LGR4: variants seen among roughly 807,000 people sequenced by gnomAD.
LGR4 encodes leucine-rich repeat-containing G protein-coupled receptor 4.
A neutral mutation model predicts 84.8 loss-of-function variants in LGR4; 44 were observed. The ratio of observed to expected loss-of-function variants is 0.52; its 90% CI spans 0.41 to 0.67. The LOEUF is 0.67. LGR4 is among the 30% of genes least tolerant of loss of function. LGR4 has a pLI of 0.00. For synonymous variants in LGR4, 429 were observed against 434.3 expected, an observed-to-expected ratio of 0.99 and a Z score of 0.15; for missense variants, 1,032 against 1,131.4, an observed-to-expected ratio of 0.91 and a Z score of 1.26.
chr11:27,469,411 C>G (rs538203035), intron 1 of LGR4, among the ~76,000 whole-genome samples: 1 of 152,184 alleles, frequency 6.6e-6, no homozygotes, highest in African/African-American at 2.4e-5. Flanking sequence ...TTCCATGCCA[C>G]GGTTCTGCTC....
At chr11:27,447,193 T>TA (rs973534885) in intron 1 of LGR4, among the ~76,000 whole-genome samples, 3 of 150,906 alleles carry the variant, frequency 2.0e-5, no homozygotes, top group Non-Finnish European at 3.0e-5. Context: ...ATAATAATAA[T>TA]AAAAAAAAGC....
chr11:27,368,073 A>G lies in LGR4; in HGVS notation c.2650T>C (p.Leu884=), dbSNP rs1862802694. The G allele has an allele frequency of 6.2e-7, 1 of 1,614,084 alleles. No homozygotes were observed. ...GGTCTTTGGCAAGAAGCCACTGCCA[A>G]TGCAGGACAGCTGTGTGATTTTATC... ...HLIKSHSCPA[L]AVASCQRPEG... is the part of the protein sequence containing the mutation. The change falls in exon 18 of 18, where the codon TTG becomes CTG. Residue 884 remains leucine (L), a synonymous_variant. Coordinates refer to ENST00000379214, the MANE Select transcript of LGR4 (RefSeq NM_018490.5).
Position 27,392,472 on chromosome 11 carries a change from A to G in LGR4, c.304T>C (p.Ser102Pro). The change falls in exon 3 of 18, where the codon TCT becomes CCT. Residue 102 changes from serine to proline, a missense_variant. Transcript: ENST00000379214. ...DLSFIHPKAL[S>P]GLKELKVLTL... ...AGAACTTTGAGTTCTTTCAACCCAG[A>G]CAAGGCCTTTGGGTGGATAAAAGAA... 1 of 1,596,870 alleles carries G rather than the reference A, an allele frequency of 6.3e-7. No homozygotes were observed. Among genetic ancestry groups the G allele is most frequent in the Non-Finnish European group, 8.5e-7 (1 of 1,174,462 alleles).
intron 1 of LGR4, among the ~76,000 whole-genome samples, chr11:27,435,309 G>A (rs1055498683): frequency 3.3e-5 from 5 of 151,410 alleles, no homozygotes; most frequent in African/African-American, 9.7e-5. Flanking sequence ...CTCCAGCCTG[G>A]GCAACAGAGT....
At chr11:27,453,358 C>T (rs146699670) in intron 1 of LGR4, among the ~76,000 whole-genome samples, 2 of 152,326 alleles carry the variant, frequency 1.3e-5, no homozygotes, top group East Asian at 1.9e-4. Context: ...TGAGCCACCA[C>T]GCCCGGCCAA....
intron 1 of LGR4, among the ~76,000 whole-genome samples, chr11:27,436,147 G>A (rs546123354): frequency 3.3e-5 from 5 of 151,740 alleles, no homozygotes; most frequent in East Asian, 2.0e-4. Flanking sequence ...TCCTGACCTC[G>A]TGATCCACCC....
At chr11:27,393,794 A>T (rs543712672) in intron 2 of LGR4, among the ~76,000 whole-genome samples, 1 of 152,152 alleles carries the variant, frequency 6.6e-6, no homozygotes, top group African/African-American at 2.4e-5. Context: ...CAGCCTTAAA[A>T]TGTGAAGTCA....
intron 1 of LGR4, among the ~76,000 whole-genome samples, chr11:27,453,593 C>T (rs868834599): frequency 2.6e-5 from 4 of 152,070 alleles, no homozygotes; most frequent in African/African-American, 9.7e-5. Flanking sequence ...AATCCCCCAC[C>T]CCCCTGCCAG....
intron 1 of LGR4, among the ~76,000 whole-genome samples, chr11:27,424,105 A>G (rs1863975636): frequency 6.6e-6 from 1 of 152,218 alleles, no homozygotes; most frequent in Admixed American, 6.5e-5. Context: ...CTAAATTAGT[A>G]AGCAGAGAAA....
At chr11:27,447,938 A>C (rs1362464107) in intron 1 of LGR4, among the ~76,000 whole-genome samples, 1 of 152,186 alleles carries the variant, frequency 6.6e-6, no homozygotes, top group Non-Finnish European at 1.5e-5. Context: ...TGTTATATTT[A>C]ATATACTTCA....
chr11:27,401,998 CT>C (rs1863514142), intron 2 of LGR4, among the ~76,000 whole-genome samples: 1 of 152,186 alleles, frequency 6.6e-6, no homozygotes, highest in African/African-American at 2.4e-5. Context: ...GCAGAAAGGG[CT>C]CAAAATGGCT....
At chr11:27,461,654 A>G (rs1239528544) in intron 1 of LGR4, among the ~76,000 whole-genome samples, 1 of 151,316 alleles carries the variant, frequency 6.6e-6, no homozygotes, top group African/African-American at 2.4e-5. Flanking sequence ...TTAGCTCATC[A>G]ACTATTGTTA....
At chr11:27,453,342 C>T (rs2133446517) in intron 1 of LGR4, among the ~76,000 whole-genome samples, 1 of 152,352 alleles carries the variant, frequency 6.6e-6, no homozygotes, top group South Asian at 2.1e-4. Context: ...GCTGGGATTA[C>T]AGGCGTGAGC....
At chr11:27,380,824 A>G in intron 8 of LGR4, 71 bp downstream of exon 8, 4 of 1,189,694 alleles carry the variant, frequency 3.4e-6, no homozygotes, top group Non-Finnish European at 5.0e-6. Context: ...ATTCTTTATC[A>G]GGGTGTTTGG....
chr11:27,371,363 T>C (rs1388715583), intron 17 of LGR4, among the ~76,000 whole-genome samples: 24 of 152,190 alleles, frequency 1.6e-4, no homozygotes, highest in Admixed American at 1.6e-3. Flanking sequence ...GCCTCTGAAA[T>C]TCTAACGTGT....
rs1863064619 is a variant in LGR4, at chr11:27,380,195, T to C, written c.971+76A>G. On this transcript the variant is annotated intron_variant, in intron 10 of 17. Coordinates refer to ENST00000379214, the MANE Select transcript of LGR4 (RefSeq NM_018490.5). The stretch of plus-strand genomic sequence containing the variant: ...ATCAACATAAACCCATCATTGTCAC[T>C]AAAAGACCCTGGCACCCTGCTAGCA... The C allele has an allele frequency of 2.3e-5, 20 of 869,948 alleles. No individual in the cohort carries two copies. In the East Asian group the frequency reaches 4.7e-4, roughly 20 times the overall value. 53.9% of individuals were successfully genotyped at this position (869,948 alleles called of 1,614,324 possible).
chr11:27,409,001 A>G (rs923561406), intron 2 of LGR4, among the ~76,000 whole-genome samples: 5 of 152,128 alleles, frequency 3.3e-5, no homozygotes, highest in African/African-American at 1.2e-4. Flanking sequence ...GAGAGCAGGA[A>G]TCACTAGGTA....
chr11:27,439,439 T>C (rs1864263852), intron 1 of LGR4, among the ~76,000 whole-genome samples: 1 of 152,246 alleles, frequency 6.6e-6, no homozygotes, highest in African/African-American at 2.4e-5. Context: ...ATTGTATGTG[T>C]GTATATGCCA....
intron 1 of LGR4, among the ~76,000 whole-genome samples, chr11:27,452,194 G>T (rs1864492970): frequency 6.6e-6 from 1 of 152,144 alleles, no homozygotes; most frequent in African/African-American, 2.4e-5. Flanking sequence ...TCTTTAAGGG[G>T]TAAGGCCATG....
Sources: gnomAD v4.1 joint callset for allele counts (sites outside exome capture counted in the v4.1 genomes callset) on GRCh38, gnomAD v4.1.1 for gene constraint, MANE v1.5 for transcripts, NCBI Gene and HGNC (gene_info 2026-07-23, HGNC 2026-07-21) for gene names.